The following KAZN variants were observed in gnomAD, a reference collection of about 807,000 sequenced individuals.
KAZN encodes kazrin.
A neutral mutation model predicts 87.4 loss-of-function variants in KAZN; 40 were observed. The ratio of observed to expected loss-of-function variants is 0.46; its 90% confidence interval spans 0.36 to 0.60. The LOEUF is 0.60. KAZN is among the 20% of genes least tolerant of loss of function. The pLI, the probability that KAZN is intolerant of heterozygous loss-of-function variation, is 0.00. For synonymous variants in KAZN, 466 were observed against 458.3 expected, an observed-to-expected ratio of 1.02 and a Z score of -0.22; for missense variants, 898 against 1,073.9, an observed-to-expected ratio of 0.84 and a Z score of 2.29.
At chr1:13,950,795 C>T (rs1570366388) in intron 1 of KAZN, among the ~76,000 whole-genome samples, 1 of 152,142 alleles carries the variant, frequency 6.6e-6, no homozygotes, top group East Asian at 1.9e-4. Flanking sequence ...GCCCACAGGG[C>T]AGCTAGAGGT....
intron 2 of KAZN, among the ~76,000 whole-genome samples, chr1:14,242,956 A>G (rs1022540032): frequency 2.0e-5 from 3 of 152,260 alleles, no homozygotes; most frequent in South Asian, 2.1e-4. Flanking sequence ...ATACGTTTGT[A>G]TGCATCAGTC....
chr1:14,170,479 T>C (rs1442694654), intron 1 of KAZN, among the ~76,000 whole-genome samples: 1 of 152,194 alleles, frequency 6.6e-6, no homozygotes, highest in African/African-American at 2.4e-5. Context: ...ACCACTCCAG[T>C]GTCTGATTCT....
chr1:14,441,189 C>A (rs1303080916), intron 2 of KAZN, among the ~76,000 whole-genome samples: 1 of 152,088 alleles, frequency 6.6e-6, no homozygotes, highest in Non-Finnish European at 1.5e-5. Flanking sequence ...GCTCAGAAAG[C>A]AACTTTGGCT....
chr1:14,608,763 C>G (rs1201199025), intron 1 of KAZN, among the ~76,000 whole-genome samples: 1 of 152,188 alleles, frequency 6.6e-6, no homozygotes, highest in African/African-American at 2.4e-5. Flanking sequence ...AGTAAGCTCA[C>G]CCGTTGTATC....
chr1:13,915,232 C>CA (rs1008264088), intron 1 of KAZN, among the ~76,000 whole-genome samples: 1 of 151,938 alleles, frequency 6.6e-6, no homozygotes, highest in African/African-American at 2.4e-5. Context: ...ATGGCGAAAC[C>CA]AAAAAAATCT....
In KAZN at chr1:14,003,206, G is replaced by A. The variant is rs191116658; in HGVS notation, c.91+109450G>A. Among the ~76,000 whole-genome samples, 11 of 152,036 alleles carry A rather than the reference G, an allele frequency of 7.2e-5. 1 individual carries two copies. Among genetic ancestry groups the A allele is most frequent in the African/African-American group, 2.7e-4 (11 of 41,452 alleles). ...CATCACACACCAGGGCCTGTTAGGG[G>A]GTCGGGGGCAAGAGGAGGGAACTTA... On this transcript the variant is annotated intron_variant, in intron 1 of 16. Transcript: ENST00000636203.
chr1:14,410,815 C>T (rs1441545422), intron 2 of KAZN, among the ~76,000 whole-genome samples: 2 of 152,172 alleles, frequency 1.3e-5, no homozygotes, highest in Non-Finnish European at 2.9e-5. Context: ...CCAGCGGCCA[C>T]CAGAACCCGA....
intron 2 of KAZN, among the ~76,000 whole-genome samples, chr1:14,490,955 C>T (rs1669616682): frequency 6.6e-6 from 1 of 152,144 alleles, no homozygotes; most frequent in Admixed American, 6.5e-5. Context: ...AATCCAAAGA[C>T]TATTGATTGA....
chr1:14,486,945 G>A (rs1669381110), intron 2 of KAZN, among the ~76,000 whole-genome samples: 1 of 152,162 alleles, frequency 6.6e-6, no homozygotes, highest in African/African-American at 2.4e-5. Flanking sequence ...ATTCAGTGTG[G>A]TTTTGCTTGT....
chr1:14,708,195 C>T (rs909959896), intron 1 of KAZN, among the ~76,000 whole-genome samples: 15 of 152,146 alleles, frequency 9.9e-5, no homozygotes, highest in African/African-American at 3.4e-4. Context: ...CCTGGCTGTG[C>T]CTTTCCATGG....
At chr1:14,372,411 C>T (rs1441458003) in intron 2 of KAZN, among the ~76,000 whole-genome samples, 3 of 152,206 alleles carry the variant, frequency 2.0e-5, no homozygotes, top group African/African-American at 4.8e-5. Context: ...TCTCAACCTT[C>T]GTGCTAGTGA....
intron 2 of KAZN, among the ~76,000 whole-genome samples, chr1:14,469,790 T>G (rs1328418362): frequency 6.6e-6 from 1 of 152,212 alleles, no homozygotes; most frequent in Non-Finnish European, 1.5e-5. Flanking sequence ...CAACAAAATC[T>G]CTGCACCTTG....
chr1:14,401,368 T>C lies in KAZN; in HGVS notation c.250-197615T>C, dbSNP rs183828197. ...GACTAGTTTTAGGAAACTGCTGATA[T>C]AAGGATTATATCATTCCAGGTCAAT... On this transcript the variant is annotated intron_variant, in intron 2 of 16. Coordinates refer to the KAZN transcript ENST00000636203. Among the ~76,000 whole-genome samples the C allele has an allele frequency of 1.8e-3, 278 of 151,602 alleles. 1 individual carries two copies. Among genetic ancestry groups the C allele is most frequent in the South Asian group, 0.01 (49 of 4,766 alleles).
intron 2 of KAZN, among the ~76,000 whole-genome samples, chr1:15,022,986 A>G (rs529492906): frequency 1.8e-3 from 267 of 152,356 alleles, no homozygotes; most frequent in African/African-American, 6.1e-3. Flanking sequence ...TTTACCTGCC[A>G]GGGGCTGTGC....
intron 10 of KAZN, 70 bp downstream of exon 10, chr1:15,095,003 G>A (rs941436141): frequency 1.9e-6 from 2 of 1,047,410 alleles, no homozygotes; most frequent in African/African-American, 3.1e-5. Context: ...TCACACAGGT[G>A]GGGTGAGCGG....
At chr1:15,079,297 AG>A (rs1639894714) in intron 8 of KAZN, among the ~76,000 whole-genome samples, 1 of 152,168 alleles carries the variant, frequency 6.6e-6, no homozygotes, top group African/African-American at 2.4e-5. Context: ...CTTGCCAGGG[AG>A]GGGGCTCATT....
chr1:14,203,117 AAAT>A (rs1388752756), intron 2 of KAZN, among the ~76,000 whole-genome samples: 13 of 152,154 alleles, frequency 8.5e-5, no homozygotes, highest in South Asian at 2.1e-4. Flanking sequence ...ACTAGATAAT[AAAT>A]AATAAGAAGC....
At chr1:13,973,544 G>C (rs180921670) in intron 1 of KAZN, among the ~76,000 whole-genome samples, 1 of 152,318 alleles carries the variant, frequency 6.6e-6, no homozygotes, top group East Asian at 1.9e-4. Flanking sequence ...TCTGGATTCA[G>C]GTAACAACTC....
At chr1:14,610,932 C>T (rs556012381) in intron 1 of KAZN, among the ~76,000 whole-genome samples, 1 of 152,268 alleles carries the variant, frequency 6.6e-6, no homozygotes, top group East Asian at 1.9e-4. Flanking sequence ...TTTGAATTCT[C>T]CAGCTAACCC....
Sources: gnomAD v4.1 joint callset for allele counts (sites outside exome capture counted in the v4.1 genomes callset) on GRCh38, gnomAD v4.1.1 for gene constraint, MANE v1.5 for transcripts, NCBI Gene and HGNC (gene_info 2026-07-23, HGNC 2026-07-21) for gene names.